FNDC3B: variants seen among roughly 807,000 people sequenced by gnomAD.
FNDC3B encodes the protein fibronectin type III domain containing 3B.
A neutral mutation model predicts 151.5 loss-of-function variants in FNDC3B; 12 were observed. That is an observed-to-expected ratio of 0.08 (90% confidence interval 0.05 to 0.13). FNDC3B has a LOEUF of 0.13. Among genes scored for constraint, FNDC3B ranks in the 10% least tolerant of loss-of-function variants. The probability of loss-of-function intolerance (pLI) is 1.00; values close to 1 mark genes in which losing one functional copy is unlikely to be tolerated. For synonymous variants in FNDC3B, 528 were observed against 549.0 expected (o/e 0.96, Z 0.54); for missense variants, 1,214 against 1,505.3 (o/e 0.81, Z 3.20).
chr3:172,316,000 CTTT>C (rs555242809), intron 11 of FNDC3B, among the ~76,000 whole-genome samples: 9 of 79,930 alleles, frequency 1.1e-4, no homozygotes, highest in East Asian at 4.1e-4. Context: ...CTTTCTTCTT[CTTT>C]TTTTTTTTTT....
At chr3:172,248,178 A>C (rs1212570350) in intron 5 of FNDC3B, among the ~76,000 whole-genome samples, 1 of 152,196 alleles carries the variant, frequency 6.6e-6, no homozygotes, top group Non-Finnish European at 1.5e-5. Context: ...TTAAAGGGAA[A>C]TTGAAAAGTG....
chr3:172,255,702 A>G (rs996484168), intron 6 of FNDC3B, among the ~76,000 whole-genome samples: 2 of 152,036 alleles, frequency 1.3e-5, no homozygotes, highest in African/African-American at 4.8e-5. Flanking sequence ...GTGCCTGGAC[A>G]CTTCCAGGCT....
chr3:172,378,080 T>A (rs1735244804), intron 23 of FNDC3B, among the ~76,000 whole-genome samples, 190 bp from the exon 24 acceptor site: 1 of 152,218 alleles, frequency 6.6e-6, no homozygotes, highest in Non-Finnish European at 1.5e-5. Context: ...AGTTTATGTT[T>A]TTCTTTTATC....
chr3:172,057,164 C>T (rs934485209), intron 1 of FNDC3B, among the ~76,000 whole-genome samples: 1 of 152,162 alleles, frequency 6.6e-6, no homozygotes, highest in Non-Finnish European at 1.5e-5. Context: ...TTCCTTCTCT[C>T]TTTTTGTGGA....
intron 7 of FNDC3B, among the ~76,000 whole-genome samples, chr3:172,286,293 G>GTT (rs35493935): frequency 6.0e-5 from 9 of 150,672 alleles, no homozygotes; most frequent in South Asian, 2.1e-4. Flanking sequence ...TCTTTTGGTA[G>GTT]TTTTTTTTTA....
chr3:172,316,055 T>G (rs1731773912), intron 11 of FNDC3B, among the ~76,000 whole-genome samples: 1 of 144,806 alleles, frequency 6.9e-6, no homozygotes, highest in Admixed American at 7.4e-5. Context: ...TTGCCCAGGC[T>G]GGAGTGCAAC....
intron 3 of FNDC3B, among the ~76,000 whole-genome samples, chr3:172,207,635 A>G (rs916670645): frequency 3.3e-5 from 5 of 151,948 alleles, no homozygotes; most frequent in East Asian, 1.9e-4. Context: ...GTATCATCCA[A>G]TTGGCCAAAA....
intron 9 of FNDC3B, chr3:172,302,267 A>G (rs551489752): frequency 1.3e-5 from 2 of 152,344 alleles, no homozygotes; most frequent in East Asian, 1.9e-4. Flanking sequence ...TTCTTTTTCA[A>G]TAGCAGTCTC....
At chr3:172,075,002 T>G (rs1267375538) in intron 1 of FNDC3B, among the ~76,000 whole-genome samples, 1 of 152,234 alleles carries the variant, frequency 6.6e-6, no homozygotes, top group Non-Finnish European at 1.5e-5. Flanking sequence ...TTGATTTTAG[T>G]ACATTTGTAC....
intron 3 of FNDC3B, among the ~76,000 whole-genome samples, chr3:172,160,295 C>T (rs868078269): frequency 6.6e-6 from 1 of 152,168 alleles, no homozygotes; most frequent in Non-Finnish European, 1.5e-5. Flanking sequence ...TGGATTTTGG[C>T]TTCCCACTTA....
chr3:172,361,395 AC>A (rs1734356847), intron 22 of FNDC3B, among the ~76,000 whole-genome samples: 2 of 152,120 alleles, frequency 1.3e-5, no homozygotes, highest in African/African-American at 4.8e-5. Context: ...CAGCCAGGTC[AC>A]CTCTTGAACA....
intron 1 of FNDC3B, among the ~76,000 whole-genome samples, chr3:172,104,238 A>G (rs1168662396): frequency 6.6e-6 from 1 of 152,156 alleles, no homozygotes; most frequent in African/African-American, 2.4e-5. Context: ...GGGAGGAAAC[A>G]TACTCCCTTA....
chr3:172,135,237 T>G (rs1721301977), intron 3 of FNDC3B, among the ~76,000 whole-genome samples: 1 of 152,046 alleles, frequency 6.6e-6, no homozygotes, highest in Admixed American at 6.6e-5. Context: ...TACTTTTTGG[T>G]GTCTAAGGAG....
At chr3:172,064,049 C>G (rs34814303) in intron 1 of FNDC3B, among the ~76,000 whole-genome samples, 9 of 151,860 alleles carry the variant, frequency 5.9e-5, no homozygotes, top group Non-Finnish European at 1.2e-4. Flanking sequence ...AGGCTGTGGC[C>G]GTGAGAAGAT....
At chr3:172,074,908 T>A (rs1425544691) in intron 1 of FNDC3B, among the ~76,000 whole-genome samples, 1 of 152,224 alleles carries the variant, frequency 6.6e-6, no homozygotes, top group East Asian at 1.9e-4. Context: ...CTTTCTTGCC[T>A]TGCACGAGTG....
chr3:172,374,504 C>T (rs934899617), intron 23 of FNDC3B, among the ~76,000 whole-genome samples: 5 of 152,208 alleles, frequency 3.3e-5, no homozygotes, highest in African/African-American at 1.2e-4. Flanking sequence ...AAGCGATTCT[C>T]CTGCCTCAGC....
chr3:172,356,530 G>GT (rs1474566592), intron 22 of FNDC3B, among the ~76,000 whole-genome samples: 4 of 152,066 alleles, frequency 2.6e-5, no homozygotes, highest in Non-Finnish European at 4.4e-5. Flanking sequence ...ATCCTTCAAG[G>GT]TTTTTTTGCC....
chr3:172,334,422 A>G (rs1576921544), intron 14 of FNDC3B, among the ~76,000 whole-genome samples: 1 of 150,182 alleles, frequency 6.7e-6, no homozygotes, highest in East Asian at 2.0e-4. Flanking sequence ...TATCTTTAAA[A>G]CCCATCTTAT....
intron 3 of FNDC3B, among the ~76,000 whole-genome samples, chr3:172,207,832 A>G (rs535545413): frequency 1.8e-4 from 27 of 152,372 alleles, no homozygotes; most frequent in African/African-American, 6.5e-4. Context: ...CTGTAATCCC[A>G]GCTACTTGGG....
Sources: allele counts gnomAD v4.1 joint callset (sites outside exome capture counted in the v4.1 genomes callset), GRCh38; gene constraint gnomAD v4.1.1; transcripts MANE v1.5; gene names NCBI Gene and HGNC (gene_info 2026-07-23, HGNC 2026-07-21).